The following SCRG1 variants were observed in gnomAD, a reference collection of about 807,000 sequenced individuals.
SCRG1 encodes scrapie-responsive protein 1.
In SCRG1, 3 loss-of-function variants were observed where a neutral mutation model predicts 7.7. The observed-to-expected ratio is 0.39, with a 90% CI of 0.18 to 1.01. The LOEUF is 1.01. SCRG1 is among the 50% of genes least tolerant of loss of function. The pLI, the probability that SCRG1 is intolerant of heterozygous loss-of-function variation, is 0.36. For synonymous variants in SCRG1, 46 were observed against 41.2 expected, an observed-to-expected ratio of 1.12 and a Z score of -0.44; for missense variants, 110 against 117.2, an observed-to-expected ratio of 0.94 and a Z score of 0.28.
At chr4:173,463,728 A>AT in the SCRG1 span, among the ~76,000 whole-genome samples, 3 of 152,028 alleles carry the variant, frequency 2.0e-5, no homozygotes, top group Admixed American at 1.3e-4. Context: ...ATATTTTGTG[A>AT]TTTTGTGTTT....
At chr4:173,488,740 C>A in the SCRG1 span, among the ~76,000 whole-genome samples, 4 of 152,124 alleles carry the variant, frequency 2.6e-5, no homozygotes, top group African/African-American at 4.8e-5. Context: ...ATCTGACAAA[C>A]CCTCTCAGTG....
At chr4:173,461,986 A>T in the SCRG1 span, among the ~76,000 whole-genome samples, 1 of 152,176 alleles carries the variant, frequency 6.6e-6, no homozygotes, top group South Asian at 2.1e-4. Context: ...GCTTGAAGAC[A>T]ACATATTTGA....
At chr4:173,499,172 T>C in the SCRG1 span, among the ~76,000 whole-genome samples, 1 of 152,218 alleles carries the variant, frequency 6.6e-6, no homozygotes, top group African/African-American at 2.4e-5. This position sits in a 1 kb window ranked among gnomAD's most constrained non-coding sequence, Gnocchi z 4.1. Context: ...AAGGAGTCCA[T>C]TTAATCGAAG....
chr4:173,409,163 GTTTTAGGGCTTTAGTT>G (rs1045131264), upstream of SCRG1, among the ~76,000 whole-genome samples: 1 of 152,106 alleles, frequency 6.6e-6, no homozygotes, highest in Admixed American at 6.5e-5. Flanking sequence ...AAGCCTGGAG[GTTTTAGGGCTTTAGTT>G]TAGCATAAGG....
chr4:173,515,654 G>A, the SCRG1 span, among the ~76,000 whole-genome samples: 4 of 152,124 alleles, frequency 2.6e-5, no homozygotes, highest in African/African-American at 4.8e-5. This position sits in a 1 kb window ranked among gnomAD's most constrained non-coding sequence, Gnocchi z 4.6. Context: ...GCTGTGCGGG[G>A]AGGTGGTGGG....
the SCRG1 span, among the ~76,000 whole-genome samples, chr4:173,456,950 C>T: frequency 6.6e-6 from 1 of 152,178 alleles, no homozygotes; most frequent in Non-Finnish European, 1.5e-5. Context: ...ACTGTACTTG[C>T]TTGCTTTATG....
At chr4:173,404,979 T>C (rs547999963) in intron 1 of SCRG1, among the ~76,000 whole-genome samples, 53 of 152,326 alleles carry the variant, frequency 3.5e-4, no homozygotes, top group Non-Finnish European at 6.3e-4. Context: ...ATTATTTAAC[T>C]CTTACATTAG....
the SCRG1 span, among the ~76,000 whole-genome samples, chr4:173,463,432 G>A: frequency 1.3e-5 from 2 of 152,038 alleles, no homozygotes; most frequent in African/African-American, 2.4e-5. Context: ...ACGCCACCAT[G>A]CCCAGTTAAA....
chr4:173,450,743 A>C, the SCRG1 span, among the ~76,000 whole-genome samples: 1 of 152,232 alleles, frequency 6.6e-6, no homozygotes. Context: ...AAATTGCCTT[A>C]TCAGCTCTTC....
chr4:173,428,963 A>T, the SCRG1 span, among the ~76,000 whole-genome samples: 1 of 152,210 alleles, frequency 6.6e-6, no homozygotes, highest in Admixed American at 6.5e-5. Flanking sequence ...ATTATTACTC[A>T]ATTCAGTAAT....
the SCRG1 span, among the ~76,000 whole-genome samples, chr4:173,463,662 C>A: frequency 3.9e-5 from 6 of 152,242 alleles, no homozygotes; most frequent in South Asian, 1.2e-3. Flanking sequence ...GTCATTAGCT[C>A]CAAATAAACT....
At chr4:173,484,963 ATT>A in the SCRG1 span, among the ~76,000 whole-genome samples, 3 of 53,862 alleles carry the variant, frequency 5.6e-5, no homozygotes, top group African/African-American at 7.6e-5. Flanking sequence ...TATTATATAT[ATT>A]ATATATAATA....
chr4:173,411,277 A>G (rs1740027257), upstream of SCRG1, among the ~76,000 whole-genome samples: 1 of 152,250 alleles, frequency 6.6e-6, no homozygotes, highest in Non-Finnish European at 1.5e-5. Flanking sequence ...CTAACTTAGC[A>G]ATTTCTTTTG....
chr4:173,488,397 A>T, the SCRG1 span, among the ~76,000 whole-genome samples: 1 of 152,130 alleles, frequency 6.6e-6, no homozygotes, highest in Admixed American at 6.6e-5. Flanking sequence ...ATGCAGGGGG[A>T]AATCAGCCTC....
At chr4:173,409,394 T>A (rs1364668449), upstream of SCRG1, among the ~76,000 whole-genome samples, 1 of 152,162 alleles carries the variant, frequency 6.6e-6, no homozygotes, top group Non-Finnish European at 1.5e-5. Context: ...TTCTAGGATC[T>A]CTTTCTGTCC....
the SCRG1 span, among the ~76,000 whole-genome samples, chr4:173,514,113 T>C: frequency 2.6e-5 from 4 of 152,130 alleles, no homozygotes; most frequent in East Asian, 1.9e-4. Context: ...GGGTCATAAG[T>C]TGAAAATTAG....
At chr4:173,402,958 G>A (rs1253305144), upstream of SCRG1, among the ~76,000 whole-genome samples, 1 of 152,164 alleles carries the variant, frequency 6.6e-6, no homozygotes, top group African/African-American at 2.4e-5. Context: ...TCTTTCATCA[G>A]TTAAAAAGAA....
the SCRG1 span, among the ~76,000 whole-genome samples, chr4:173,416,908 C>A: frequency 7.7e-5 from 6 of 77,554 alleles, no homozygotes; most frequent in Non-Finnish European, 1.2e-4. Context: ...ACACACACAC[C>A]CAAACACACA....
chr4:173,442,301 T>C, the SCRG1 span, among the ~76,000 whole-genome samples: 1 of 152,220 alleles, frequency 6.6e-6, no homozygotes, highest in Non-Finnish European at 1.5e-5. Flanking sequence ...TGCAACTTCC[T>C]AGGAGCAACC....
Sources: allele counts gnomAD v4.1 joint callset (sites outside exome capture counted in the v4.1 genomes callset), GRCh38; gene constraint gnomAD v4.1.1; non-coding constraint Gnocchi (gnomAD v3.1); transcripts MANE v1.5; gene names NCBI Gene and HGNC (gene_info 2026-07-23, HGNC 2026-07-21).